ANGPTL2: variants seen among roughly 807,000 people sequenced by gnomAD.
ANGPTL2 encodes the protein angiopoietin-related protein 2.
A neutral mutation model predicts 52.8 loss-of-function variants in ANGPTL2; 25 were observed. The observed-to-expected ratio is 0.47, with a 90% confidence interval of 0.35 to 0.66. ANGPTL2 has a LOEUF of 0.66. Ranked by LOEUF, ANGPTL2 falls within the 30% of genes least tolerant of loss-of-function variation. The pLI is 0.01. For missense variants in ANGPTL2, 546 were observed against 656.9 expected (o/e 0.83, Z 1.84); for synonymous variants, 276 against 277.4 (o/e 1.00, Z 0.05).
Position 127,119,059 on chromosome 9 carries a change from C to G in ANGPTL2, c.-50+3256G>C, listed in dbSNP as rs76412114. ...CCAGTGTTTCCCTGAGGCTCTGCCCCCACTGAGCTGGGGACAGAGTTTCCT... is the reference window on the plus strand; with the variant it reads ...CCAGTGTTTCCCTGAGGCTCTGCCCGCACTGAGCTGGGGACAGAGTTTCCT... On this transcript the variant is annotated intron_variant, in intron 1 of 4. Transcript: ENST00000373425. Among the ~76,000 whole-genome samples, 29 of 152,222 alleles carry G rather than the reference C, an allele frequency of 1.9e-4. No homozygotes were observed. In the East Asian group the frequency reaches 4.3e-3, roughly 22 times the overall value.
chr9:127,112,002 G>C (rs1189557706), intron 1 of ANGPTL2, among the ~76,000 whole-genome samples: 1 of 152,188 alleles, frequency 6.6e-6, no homozygotes, highest in Non-Finnish European at 1.5e-5. Flanking sequence ...ACCCCTTTGG[G>C]GGCTTCTCCA....
chr9:127,109,143 A>C (rs953723965), intron 1 of ANGPTL2, among the ~76,000 whole-genome samples: 1 of 152,110 alleles, frequency 6.6e-6, no homozygotes. Flanking sequence ...AGGCAGAGGG[A>C]GGGTTTTCTG....
At chr9:127,113,697 C>T (rs1429585023) in intron 1 of ANGPTL2, among the ~76,000 whole-genome samples, 3 of 152,228 alleles carry the variant, frequency 2.0e-5, no homozygotes, top group African/African-American at 7.2e-5. Context: ...GTTTCCATCA[C>T]GCATGGGTTT....
intron 1 of ANGPTL2, among the ~76,000 whole-genome samples, chr9:127,115,700 T>G (rs1768374): frequency 0.024 from 3,717 of 152,356 alleles, 54 homozygotes; most frequent in Middle Eastern, 0.048. Context: ...GCTTGCATGT[T>G]ACTCACTGTT....
At chr9:127,097,231 G>A (rs567057863) in intron 2 of ANGPTL2, among the ~76,000 whole-genome samples, 4 of 152,220 alleles carry the variant, frequency 2.6e-5, no homozygotes, top group Admixed American at 6.5e-5. Flanking sequence ...ATTTTTCAAC[G>A]ATTGTAGTGT....
At chr9:127,100,754 G>C (rs1182485642) in intron 2 of ANGPTL2, among the ~76,000 whole-genome samples, 1 of 152,226 alleles carries the variant, frequency 6.6e-6, no homozygotes, top group Admixed American at 6.5e-5. Context: ...ACAATCCACA[G>C]ATATGGACAG....
chr9:127,105,595 T>TC (rs934307413), intron 2 of ANGPTL2, among the ~76,000 whole-genome samples: 1 of 152,060 alleles, frequency 6.6e-6, no homozygotes, highest in South Asian at 2.1e-4. Flanking sequence ...CACCTTACTG[T>TC]CCCCCAGGGC....
rs758548671 is a variant in ANGPTL2, at chr9:127,093,845, T to C, written c.899A>G (p.Asn300Ser). Residue 300 changes from asparagine to serine, a missense_variant, in exon 3 of 5, where the codon AAC becomes AGC. By Grantham distance (46) the Asn-to-Ser change is conservative. Around this residue, in one of 2 missense-constraint regions of ANGPTL2, gnomAD observed 261 missense variants for 361.0 expected, o/e 0.72. Coordinates refer to ENST00000373425, the MANE Select transcript of ANGPTL2 (RefSeq NM_012098.3). ...SIYLVKPENT[N>S]RLMQVWCDQR... ...GTCGCACCACACCTGCATGAGGCGG[T>C]TGGTGTTCTCCGGCTTCACCAGGTA... 3.1e-6 allele frequency: 5 copies of C among 1,613,664 alleles called. No homozygotes were observed. Among genetic ancestry groups the C allele is most frequent in the South Asian group, 1.1e-5 (1 of 91,048 alleles).
chr9:127,089,723 A>G (rs945453072), intron 4 of ANGPTL2, among the ~76,000 whole-genome samples: 1 of 152,230 alleles, frequency 6.6e-6, no homozygotes, highest in Non-Finnish European at 1.5e-5. Flanking sequence ...TATTTCCATA[A>G]AACTCTTGGC....
At chr9:127,094,581 C>T (rs1029482825) in intron 2 of ANGPTL2, among the ~76,000 whole-genome samples, 9 of 152,258 alleles carry the variant, frequency 5.9e-5, no homozygotes, top group African/African-American at 2.2e-4. Flanking sequence ...TAGCCAGAGA[C>T]TTTGGGATAT....
At position 127,108,717 on chromosome 9, in the gene ANGPTL2, G is replaced by C; in HGVS notation, c.15C>G (p.Cys5Trp). 2 of 1,607,960 alleles carry C rather than the reference G, an allele frequency of 1.2e-6. No individual in the cohort carries two copies. The highest frequency in any genetic ancestry group is 1.7e-6 in the Non-Finnish European group (2 of 1,176,082). Residue 5 changes from cysteine (C) to tryptophan (W), a missense_variant, in exon 2 of 5, where the codon TGC (cysteine) becomes TGG (tryptophan). Physicochemically the swap from Cys to Trp is radical, Grantham distance 215. Coordinates refer to ENST00000373425, the MANE Select transcript of ANGPTL2 (RefSeq NM_012098.3). MRPL[C>W]VTCWWLGLLA... The stretch of plus-strand genomic sequence containing the variant: ...GCAGTCCGAGCCACCAGCATGTCAC[G>C]CACAGTGGCCTCATGGTCCTTGCAA...
At chr9:127,099,149 C>T (rs2053469215) in intron 2 of ANGPTL2, among the ~76,000 whole-genome samples, 1 of 152,200 alleles carries the variant, frequency 6.6e-6, no homozygotes, top group Non-Finnish European at 1.5e-5. Flanking sequence ...CCTTTTTATC[C>T]CCTGAGTCCA....
chr9:127,111,175 G>T (rs2054773837), intron 1 of ANGPTL2, among the ~76,000 whole-genome samples: 1 of 152,076 alleles, frequency 6.6e-6, no homozygotes, highest in Admixed American at 6.5e-5. Flanking sequence ...TAGGACTCAG[G>T]GCCTTTATAC....
chr9:127,110,285 C>T (rs149745594), intron 1 of ANGPTL2, among the ~76,000 whole-genome samples: 1,535 of 152,250 alleles, frequency 0.01, 11 homozygotes, highest in Middle Eastern at 0.02. Context: ...TTAATATTTT[C>T]CCTCTCACAC....
chr9:127,113,664 T>C (rs1037509067), intron 1 of ANGPTL2, among the ~76,000 whole-genome samples: 15 of 152,214 alleles, frequency 9.9e-5, no homozygotes, highest in Non-Finnish European at 1.8e-4. Context: ...TTAAAATTGC[T>C]TTTCCACATT....
At chr9:127,112,924 C>A (rs1284120676) in intron 1 of ANGPTL2, among the ~76,000 whole-genome samples, 1 of 152,194 alleles carries the variant, frequency 6.6e-6, no homozygotes, top group East Asian at 1.9e-4. Context: ...GAGTGACTTA[C>A]TAGTGTTATG....
chr9:127,108,603 C>T lies in ANGPTL2; in HGVS notation c.129G>A (p.Arg43=), dbSNP rs1036844533. ...GSPREFIYLN[R]YKRAGESQDK... The stretch of plus-strand genomic sequence containing the variant: ...CCTGGGACTCGCCCGCCCGCTTGTA[C>T]CTGTTTAGGTAAATGAACTCTCTTG... The change falls in exon 2 of 5, where the codon AGG becomes AGA. Residue 43 remains arginine (R), a synonymous_variant. Transcript: ENST00000373425. 6.2e-7 allele frequency: 1 copy of T among 1,613,650 alleles called. No homozygotes were observed. Among genetic ancestry groups the T allele is most frequent in the Admixed American group, 1.7e-5 (1 of 59,962 alleles).
At chr9:127,100,648 T>C (rs2053629100) in intron 2 of ANGPTL2, among the ~76,000 whole-genome samples, 1 of 152,136 alleles carries the variant, frequency 6.6e-6, no homozygotes, top group Non-Finnish European at 1.5e-5. Context: ...GCCCCAGGGT[T>C]CCACAGGCAC....
rs2054478531 is a variant in ANGPTL2 at position 127,108,490 on chromosome 9, T to C, written c.242A>G (p.Glu81Gly). The change falls in exon 2 of 5, where the codon GAG becomes GGG. Residue 81 changes from glutamate to glycine, a missense_variant. This residue lies in a region of ANGPTL2 where 285 missense variants were observed against 295.8 expected (regional missense o/e 0.96). Transcript: ENST00000373425. The stretch of plus-strand genomic sequence containing the variant: ...TAGCTCCTGCTTATGCACTCGGTTC[T>C]CCAGAAGCACCTCAGGCTCCTTGGA... ...VNSKEPEVLL[E>G]NRVHKQELEL... 12 of 1,612,664 alleles carry C rather than the reference T, an allele frequency of 7.4e-6. No individual in the cohort carries two copies. Among genetic ancestry groups the C allele is most frequent in the Non-Finnish European group, 1.0e-5 (12 of 1,179,628 alleles).
Sources: allele counts gnomAD v4.1 joint callset (sites outside exome capture counted in the v4.1 genomes callset), GRCh38; gene constraint gnomAD v4.1.1; regional missense constraint gnomAD v4.1.1; transcripts MANE v1.5; gene names NCBI Gene and HGNC (gene_info 2026-07-23, HGNC 2026-07-21).